Variants in BMPR1B observed in about 807,000 individuals in gnomAD.
BMPR1B encodes bone morphogenetic protein receptor type 1B, also known as bone morphogenetic protein receptor type-1B.
BMPR1B carries 12 observed loss-of-function variants against 59.1 expected under a neutral mutation model. The observed-to-expected ratio is 0.20, with a 90% CI of 0.13 to 0.33. The LOEUF (loss-of-function observed/expected upper bound fraction) is 0.33, where lower values mean the gene tolerates loss of function less well. BMPR1B is among the 10% of genes least tolerant of loss of function. The pLI is 1.00. For synonymous variants in BMPR1B, 237 were observed against 207.3 expected (o/e 1.14, Z -1.23); for missense variants, 550 against 610.9 (o/e 0.90, Z 1.05).
Position 95,050,049 on chromosome 4 carries a change from G to A in BMPR1B, c.-18+53915G>A, listed in dbSNP as rs115085148. Among the ~76,000 whole-genome samples, 495 of 152,126 alleles carry A rather than the reference G, an allele frequency of 3.3e-3. 5 individuals are homozygous for A. The highest frequency in any genetic ancestry group is 0.011 in the African/African-American group (473 of 41,518). On this transcript the variant is annotated intron_variant, in intron 3 of 12. Transcript: ENST00000515059. ...TTTCAGCTATTCACTTCTTGCCCCA[G>A]AGCTCAAGGCTGGATTCCAAATTGG...
chr4:94,984,040 G>A (rs1721254821), intron 2 of BMPR1B, among the ~76,000 whole-genome samples: 1 of 152,226 alleles, frequency 6.6e-6, no homozygotes. Context: ...GTGAGTTGAA[G>A]TAATTTTTAA....
At chr4:94,843,519 A>G (rs1465116865) in intron 1 of BMPR1B, among the ~76,000 whole-genome samples, 2 of 152,206 alleles carry the variant, frequency 1.3e-5, no homozygotes, top group Non-Finnish European at 2.9e-5. Context: ...CAGTGATAAC[A>G]TAATAGAACT....
intron 2 of BMPR1B, among the ~76,000 whole-genome samples, chr4:94,964,768 T>C (rs754328334): frequency 1.6e-4 from 24 of 152,186 alleles, no homozygotes; most frequent in Non-Finnish European, 2.5e-4. Context: ...CCTGTAGCTG[T>C]GGGAAAACCA....
At chr4:94,785,334 T>G (rs925282) in intron 1 of BMPR1B, among the ~76,000 whole-genome samples, 49,149 of 152,076 alleles carry the variant, frequency 0.32, 8,599 homozygotes, top group African/African-American at 0.46. Flanking sequence ...CTAGCACATA[T>G]GTACTTAGGA....
At chr4:95,146,549 C>T (rs1036602244) in intron 10 of BMPR1B, among the ~76,000 whole-genome samples, 3 of 152,150 alleles carry the variant, frequency 2.0e-5, no homozygotes, top group Non-Finnish European at 4.4e-5. Flanking sequence ...GGTCAGATTA[C>T]ACCTTTGGCC....
chr4:94,857,117 AT>A (rs1725788666), intron 1 of BMPR1B, among the ~76,000 whole-genome samples: 1 of 152,184 alleles, frequency 6.6e-6, no homozygotes, highest in Non-Finnish European at 1.5e-5. Flanking sequence ...AAAGAATGAG[AT>A]AAAAAAGTAT....
chr4:95,068,022 A>C (rs1194774854), intron 3 of BMPR1B, among the ~76,000 whole-genome samples: 1 of 152,158 alleles, frequency 6.6e-6, no homozygotes, highest in African/African-American at 2.4e-5. Flanking sequence ...AAAGATCTAA[A>C]AGAGCATGGC....
intron 1 of BMPR1B, among the ~76,000 whole-genome samples, chr4:94,826,564 A>T (rs879853971): frequency 4.6e-5 from 7 of 151,626 alleles, no homozygotes; most frequent in Non-Finnish European, 5.9e-5. Flanking sequence ...CTTTTACAAG[A>T]CTTTTTTTTT....
intron 2 of BMPR1B, among the ~76,000 whole-genome samples, chr4:94,894,438 A>AAGAG (rs35163913): frequency 0.098 from 14,644 of 149,400 alleles, 781 homozygotes; most frequent in African/African-American, 0.12. Flanking sequence ...TGGCCTTTAA[A>AAGAG]AGAGAGAGAG....
chr4:94,764,439 C>CT (rs1721889420), intron 1 of BMPR1B, among the ~76,000 whole-genome samples: 1 of 152,164 alleles, frequency 6.6e-6, no homozygotes. Flanking sequence ...AACTTCCCTG[C>CT]TTTTGCTAAC....
At chr4:94,939,130 C>A (rs1394305885) in intron 2 of BMPR1B, among the ~76,000 whole-genome samples, 1 of 152,120 alleles carries the variant, frequency 6.6e-6, no homozygotes, top group Non-Finnish European at 1.5e-5. Flanking sequence ...AGGGCTCTGA[C>A]ATCCTAAATG....
chr4:95,084,942 T>C (rs1209692202), intron 3 of BMPR1B, among the ~76,000 whole-genome samples: 1 of 152,154 alleles, frequency 6.6e-6, no homozygotes, highest in East Asian at 1.9e-4. Context: ...CTACACCTGC[T>C]TGGAGTGTAG....
chr4:94,795,008 T>C (rs1723132878), intron 1 of BMPR1B, among the ~76,000 whole-genome samples: 1 of 143,908 alleles, frequency 6.9e-6, no homozygotes, highest in Non-Finnish European at 1.5e-5. Flanking sequence ...GAATACCCTT[T>C]ATTTCCTTCT....
chr4:94,947,471 G>A (rs1168015750), intron 2 of BMPR1B, among the ~76,000 whole-genome samples: 1 of 152,136 alleles, frequency 6.6e-6, no homozygotes, highest in Non-Finnish European at 1.5e-5. Flanking sequence ...AGATGCCCAC[G>A]CCTTTGAGCT....
rs146178033 is a variant in BMPR1B at position 94,800,245 on chromosome 4, T to A, written c.-183+42177T>A. Among the ~76,000 whole-genome samples the A allele has an allele frequency of 5.4e-3, 827 of 152,276 alleles. 5 individuals are homozygous for A. The highest frequency in any genetic ancestry group is 0.019 in the African/African-American group (777 of 41,544). Reference sequence around the variant, plus strand: ...AGATTTACAAATACATAAGTCAAGATCATTTGTGCAGGAAGAGCTTTTGGA... The same window carrying A: ...AGATTTACAAATACATAAGTCAAGAACATTTGTGCAGGAAGAGCTTTTGGA... On this transcript the variant is annotated intron_variant, in intron 1 of 12. Coordinates refer to ENST00000515059, the MANE Select transcript of BMPR1B (RefSeq NM_001203.3).
intron 1 of BMPR1B, among the ~76,000 whole-genome samples, chr4:94,780,340 C>T (rs1184170195): frequency 6.6e-6 from 1 of 152,148 alleles, no homozygotes; most frequent in Non-Finnish European, 1.5e-5. Flanking sequence ...CATATTGTAG[C>T]ATGTGTCACT....
intron 2 of BMPR1B, among the ~76,000 whole-genome samples, chr4:94,900,305 C>T (rs144208669): frequency 1.3e-4 from 18 of 142,316 alleles, no homozygotes; most frequent in South Asian, 6.6e-4. Flanking sequence ...ACATAGCATC[C>T]GGTAACATGG....
intron 1 of BMPR1B, among the ~76,000 whole-genome samples, chr4:94,865,701 A>G (rs754179276): frequency 3.0e-4 from 45 of 152,232 alleles, no homozygotes; most frequent in Admixed American, 5.2e-4. Context: ...GCTGTTTTCT[A>G]CTTTAAAAAT....
chr4:94,817,823 T>C (rs550298656), intron 1 of BMPR1B, among the ~76,000 whole-genome samples: 6 of 152,336 alleles, frequency 3.9e-5, no homozygotes, highest in African/African-American at 1.4e-4. Context: ...CACCACACTT[T>C]TCTCCTTTTC....
Sources: allele counts gnomAD v4.1 joint callset (sites outside exome capture counted in the v4.1 genomes callset), GRCh38; gene constraint gnomAD v4.1.1; transcripts MANE v1.5; gene names NCBI Gene and HGNC (gene_info 2026-07-23, HGNC 2026-07-21).